CPA6: variants seen among roughly 807,000 people sequenced by gnomAD.
The protein encoded by CPA6 is carboxypeptidase A6.
A neutral mutation model predicts 63.3 loss-of-function variants in CPA6; 58 were observed. That is an observed-to-expected ratio of 0.92 (90% CI 0.74 to 1.14). The LOEUF (loss-of-function observed/expected upper bound fraction) is 1.14. CPA6 is among the 50% of genes most tolerant of loss of function. The pLI is 0.00. For missense variants in CPA6, 565 were observed against 526.6 expected (o/e 1.07, Z -0.71); for synonymous variants, 185 against 179.0 (o/e 1.03, Z -0.27).
intron 2 of CPA6, among the ~76,000 whole-genome samples, chr8:67,533,632 G>A (rs1474334798): frequency 1.3e-5 from 2 of 152,198 alleles, no homozygotes; most frequent in Non-Finnish European, 2.9e-5. Context: ...AAGCATTAGT[G>A]AGCAATATAG....
intron 1 of CPA6, among the ~76,000 whole-genome samples, chr8:67,632,005 G>A (rs1472607470): frequency 6.6e-6 from 1 of 152,196 alleles, no homozygotes; most frequent in African/African-American, 2.4e-5. Flanking sequence ...CTCACCGCGA[G>A]GGTCCGTGGC....
rs201742875 is a variant in CPA6, at chr8:67,637,981, T to TTTTGTG, written c.117-13731_117-13730insCACAAA. Among the ~76,000 whole-genome samples the TTTTGTG allele has an allele frequency of 1.6e-4, 24 of 146,674 alleles. No individual in the cohort carries two copies. In the South Asian group the frequency reaches 1.9e-3, roughly 12 times the overall value. On this transcript the variant is annotated intron_variant, in intron 1 of 10. Transcript: ENST00000297770. ...AAAGCCCTTAGTAATGCTAGAAATT[T>TTTTGTG]TGTGTGTGTGTGTGTGTGTGTGTGT...
At chr8:67,502,059 T>C (rs533724875) in intron 6 of CPA6, among the ~76,000 whole-genome samples, 45 of 152,350 alleles carry the variant, frequency 3.0e-4, no homozygotes, top group African/African-American at 1.0e-3. Flanking sequence ...TTAACCTTTT[T>C]TATATCTTCA....
At chr8:67,683,338 CATCAT>C (rs928705175) in intron 1 of CPA6, among the ~76,000 whole-genome samples, 2 of 152,206 alleles carry the variant, frequency 1.3e-5, no homozygotes, top group African/African-American at 2.4e-5. Flanking sequence ...TAATTTGCCT[CATCAT>C]ATCACTTGAC....
intron 1 of CPA6, among the ~76,000 whole-genome samples, chr8:67,687,975 A>T (rs1032430317): frequency 2.0e-5 from 3 of 152,196 alleles, no homozygotes; most frequent in Non-Finnish European, 4.4e-5. Context: ...AAAAATGATC[A>T]CTTGAGCCTG....
chr8:67,692,532 G>C (rs2128997507), intron 1 of CPA6, among the ~76,000 whole-genome samples: 1 of 152,168 alleles, frequency 6.6e-6, no homozygotes, highest in South Asian at 2.1e-4. Flanking sequence ...TCAATAGTAA[G>C]CTTTTTTCCC....
chr8:67,514,172 G>A (rs555450939), intron 3 of CPA6, among the ~76,000 whole-genome samples: 1 of 152,150 alleles, frequency 6.6e-6, no homozygotes, highest in Admixed American at 6.5e-5. Flanking sequence ...TGGCCAAGCT[G>A]ATCTTAAACT....
intron 1 of CPA6, among the ~76,000 whole-genome samples, chr8:67,724,156 C>T (rs1587730214): frequency 6.6e-6 from 1 of 152,162 alleles, no homozygotes; most frequent in African/African-American, 2.4e-5. Flanking sequence ...CTTCTGAAGT[C>T]CCCTGTGTTT....
chr8:67,521,563 A>C (rs1342065888), intron 2 of CPA6, among the ~76,000 whole-genome samples: 1 of 152,242 alleles, frequency 6.6e-6, no homozygotes, highest in Non-Finnish European at 1.5e-5. Context: ...AAAGCATATG[A>C]AAAGAAGGGC....
intron 1 of CPA6, among the ~76,000 whole-genome samples, chr8:67,702,658 C>G (rs1300048574): frequency 6.6e-6 from 1 of 152,130 alleles, no homozygotes; most frequent in African/African-American, 2.4e-5. Context: ...ATATGGCCTT[C>G]CTCCAAGAAT....
At chr8:67,711,378 A>G (rs1817255915) in intron 1 of CPA6, among the ~76,000 whole-genome samples, 1 of 152,272 alleles carries the variant, frequency 6.6e-6, no homozygotes, top group Admixed American at 6.5e-5. Flanking sequence ...GGTAAATAGT[A>G]CAGAAAATAT....
chr8:67,724,100 G>A (rs1447873199), intron 1 of CPA6, among the ~76,000 whole-genome samples: 1 of 151,872 alleles, frequency 6.6e-6, no homozygotes, highest in Non-Finnish European at 1.5e-5. Context: ...CCAAAAATGA[G>A]CAAAGCATAC....
intron 2 of CPA6, among the ~76,000 whole-genome samples, chr8:67,529,902 C>T (rs1157352961): frequency 4.3e-4 from 65 of 152,252 alleles, no homozygotes; most frequent in Admixed American, 4.1e-3. Context: ...TATGAATGGG[C>T]AGTCAAGACT....
chr8:67,710,088 G>A (rs1817222756), intron 1 of CPA6, among the ~76,000 whole-genome samples: 1 of 151,680 alleles, frequency 6.6e-6, no homozygotes, highest in East Asian at 1.9e-4. Context: ...ACTCTAGCCT[G>A]GGCAACAGAG....
intron 2 of CPA6, among the ~76,000 whole-genome samples, chr8:67,617,850 T>C (rs901983635): frequency 6.6e-5 from 10 of 152,210 alleles, no homozygotes; most frequent in African/African-American, 2.4e-4. Flanking sequence ...CATTTTCCTT[T>C]TAGTAGGCTT....
chr8:67,554,155 CT>C (rs752889295), intron 2 of CPA6, among the ~76,000 whole-genome samples: 1 of 152,090 alleles, frequency 6.6e-6, no homozygotes, highest in South Asian at 2.1e-4. Context: ...CATTCTTGCA[CT>C]GCTATAAAGA....
intron 2 of CPA6, among the ~76,000 whole-genome samples, chr8:67,565,177 T>C (rs1007297146): frequency 1.3e-5 from 2 of 152,190 alleles, no homozygotes; most frequent in Middle Eastern, 3.4e-3. Flanking sequence ...TTTCTTTTTT[T>C]TTTTTGTTGT....
chr8:67,471,060 A>G (rs1022867795), intron 8 of CPA6, among the ~76,000 whole-genome samples: 3 of 152,084 alleles, frequency 2.0e-5, no homozygotes, highest in African/African-American at 7.2e-5. Context: ...AACCTCCATT[A>G]TCTTGCCTCT....
intron 2 of CPA6, among the ~76,000 whole-genome samples, chr8:67,609,218 C>G (rs1322729288): frequency 6.6e-6 from 1 of 152,120 alleles, no homozygotes; most frequent in Non-Finnish European, 1.5e-5. Context: ...ATTAAAGTTA[C>G]CTGGAATCCT....
Sources: gnomAD v4.1 joint callset for allele counts (sites outside exome capture counted in the v4.1 genomes callset) on GRCh38, gnomAD v4.1.1 for gene constraint, MANE v1.5 for transcripts, NCBI Gene and HGNC (gene_info 2026-07-23, HGNC 2026-07-21) for gene names.